Variants in PTPRD observed in about 807,000 individuals in gnomAD.
The protein encoded by PTPRD is receptor-type tyrosine-protein phosphatase delta.
A neutral mutation model predicts 214.5 loss-of-function variants in PTPRD; 34 were observed. That is an observed-to-expected ratio of 0.16 (90% CI 0.12 to 0.21). PTPRD has a LOEUF of 0.21. PTPRD is among the 10% of genes least tolerant of loss of function. The pLI, the probability that PTPRD is intolerant of heterozygous loss-of-function variation, is 1.00. For synonymous variants in PTPRD, 1,128 were observed against 845.7 expected, an observed-to-expected ratio of 1.33 and a Z score of -5.79; for missense variants, 2,545 against 2,398.7, an observed-to-expected ratio of 1.06 and a Z score of -1.27.
intron 10 of PTPRD, among the ~76,000 whole-genome samples, chr9:9,030,836 C>T (rs1212241230): frequency 6.6e-6 from 1 of 151,820 alleles, no homozygotes; most frequent in African/African-American, 2.4e-5. Context: ...AATTTATATA[C>T]ATGTTTACAT....
chr9:8,748,522 CAAAAAAAAAAAAAAAAAAGA>C (rs1330764561), intron 11 of PTPRD, among the ~76,000 whole-genome samples: 3 of 37,862 alleles, frequency 7.9e-5, no homozygotes, highest in Admixed American at 3.3e-4. Context: ...CCTGCAACTG[CAAAAAAAAAAAAAAAAAAGA>C]AAAAGAAAAA....
intron 5 of PTPRD, among the ~76,000 whole-genome samples, chr9:9,801,821 T>C (rs188052731): frequency 7.9e-5 from 12 of 152,082 alleles, no homozygotes; most frequent in Non-Finnish European, 1.8e-4. Flanking sequence ...ATCCGTTGTC[T>C]ATAAATCAGA....
At chr9:10,296,372 A>C (rs967132754) in intron 3 of PTPRD, among the ~76,000 whole-genome samples, 1 of 152,020 alleles carries the variant, frequency 6.6e-6, no homozygotes, top group African/African-American at 2.4e-5. Flanking sequence ...CCCCTCACCC[A>C]GCCATGCCTC....
At chr9:10,200,055 T>A (rs1002091870) in intron 3 of PTPRD, among the ~76,000 whole-genome samples, 2 of 152,064 alleles carry the variant, frequency 1.3e-5, no homozygotes, top group African/African-American at 4.8e-5. Context: ...TACAGATGTG[T>A]AAAAATTTTA....
chr9:8,628,294 T>C (rs984235042), intron 14 of PTPRD, among the ~76,000 whole-genome samples: 2 of 151,900 alleles, frequency 1.3e-5, no homozygotes, highest in Admixed American at 6.6e-5. Flanking sequence ...ATGGCAGAGA[T>C]AGTTGACTGC....
At chr9:10,493,666 A>C (rs1410764323) in intron 2 of PTPRD, among the ~76,000 whole-genome samples, 1 of 151,950 alleles carries the variant, frequency 6.6e-6, no homozygotes, top group African/African-American at 2.4e-5. Context: ...ACATAACATC[A>C]AACACTCCTA....
At chr9:8,631,498 C>G (rs919859914) in intron 14 of PTPRD, among the ~76,000 whole-genome samples, 1 of 151,616 alleles carries the variant, frequency 6.6e-6, no homozygotes, top group African/African-American at 2.4e-5. Flanking sequence ...TCTGGATTAT[C>G]GGAATGTCTC....
At chr9:10,163,130 T>G (rs1463717884) in intron 3 of PTPRD, among the ~76,000 whole-genome samples, 3 of 148,440 alleles carry the variant, frequency 2.0e-5, no homozygotes, top group Admixed American at 1.3e-4. Context: ...AAATAACCCT[T>G]ATTCTACTGA....
intron 10 of PTPRD, among the ~76,000 whole-genome samples, chr9:9,182,673 G>A (rs763685608): frequency 4.6e-5 from 7 of 151,970 alleles, no homozygotes; most frequent in Non-Finnish European, 1.0e-4. Flanking sequence ...TATTATGGTA[G>A]ATGAAATGTT....
At chr9:8,784,375 A>G (rs373603005) in intron 11 of PTPRD, among the ~76,000 whole-genome samples, 2 of 152,212 alleles carry the variant, frequency 1.3e-5, no homozygotes, top group South Asian at 2.1e-4. Flanking sequence ...TTGTCTGTCA[A>G]TCTTTCACAA....
intron 11 of PTPRD, among the ~76,000 whole-genome samples, chr9:8,794,253 G>T (rs2082632): frequency 0.47 from 71,181 of 151,944 alleles, 16,924 homozygotes; most frequent in East Asian, 0.63. Context: ...CTATAGTGTA[G>T]AGCAGATGGA....
chr9:9,894,837 T>C (rs983473495), intron 5 of PTPRD, among the ~76,000 whole-genome samples: 3 of 151,460 alleles, frequency 2.0e-5, no homozygotes, highest in South Asian at 2.1e-4. Context: ...AAAATGTCTG[T>C]TTTTTTTCTG....
intron 7 of PTPRD, among the ~76,000 whole-genome samples, chr9:9,654,992 C>CATATAT (rs377187243): frequency 1.4e-5 from 2 of 145,738 alleles, no homozygotes; most frequent in African/African-American, 5.3e-5. Context: ...TAAACTGAAG[C>CATATAT]ATATATATAT....
At chr9:9,940,313 C>A (rs1309936866) in intron 4 of PTPRD, among the ~76,000 whole-genome samples, 3 of 152,098 alleles carry the variant, frequency 2.0e-5, no homozygotes, top group Admixed American at 1.3e-4. Flanking sequence ...CCTCTGGTTT[C>A]TTGACTAGAC....
chr9:8,917,969 G>A (rs2098798420), intron 11 of PTPRD, among the ~76,000 whole-genome samples: 4 of 152,138 alleles, frequency 2.6e-5, no homozygotes, highest in Admixed American at 2.6e-4. Flanking sequence ...AAGGATGGGA[G>A]GTGTATTTTT....
chr9:9,151,461 G>A (rs1474703071), intron 10 of PTPRD, among the ~76,000 whole-genome samples: 1 of 152,056 alleles, frequency 6.6e-6, no homozygotes, highest in East Asian at 1.9e-4. Flanking sequence ...TCTGGGGATG[G>A]GTGCAAGACA....
intron 7 of PTPRD, among the ~76,000 whole-genome samples, chr9:9,659,435 T>C (rs1477825114): frequency 1.3e-5 from 2 of 152,054 alleles, no homozygotes; most frequent in Non-Finnish European, 2.9e-5. Context: ...CTTTGTTGCT[T>C]ATTATACTGG....
chr9:10,258,508 C>T (rs1030065072), intron 3 of PTPRD, among the ~76,000 whole-genome samples: 2 of 152,014 alleles, frequency 1.3e-5, no homozygotes, highest in African/African-American at 4.8e-5. Flanking sequence ...TTTATGTAAG[C>T]AATTGAGGTA....
chr9:9,013,854 A>G (rs2099522078), intron 11 of PTPRD, among the ~76,000 whole-genome samples: 1 of 152,128 alleles, frequency 6.6e-6, no homozygotes, highest in Non-Finnish European at 1.5e-5. Flanking sequence ...TTCTTTCACA[A>G]AAGGGCCTCT....
Sources: allele counts gnomAD v4.1 joint callset (sites outside exome capture counted in the v4.1 genomes callset), GRCh38; gene constraint gnomAD v4.1.1; transcripts MANE v1.5; gene names NCBI Gene and HGNC (gene_info 2026-07-23, HGNC 2026-07-21).